ADAMTS20: variants seen among roughly 807,000 people sequenced by gnomAD.
The protein encoded by ADAMTS20 is ADAM metallopeptidase with thrombospondin type 1 motif 20.
ADAMTS20 carries 225 observed loss-of-function variants against 260.1 expected under a neutral mutation model. That is an observed-to-expected ratio of 0.87 (90% CI 0.78 to 0.97). The LOEUF is 0.97. Ranked by LOEUF, ADAMTS20 falls within the 50% of genes least tolerant of loss-of-function variation. The pLI is 0.00. For synonymous variants in ADAMTS20, 802 were observed against 769.5 expected (o/e 1.04, Z -0.70); for missense variants, 2,400 against 2,337.7 (o/e 1.03, Z -0.55).
chr12:43,448,385 T>G (rs1341896454), intron 14 of ADAMTS20, among the ~76,000 whole-genome samples: 1 of 152,070 alleles, frequency 6.6e-6, no homozygotes, highest in Admixed American at 6.5e-5. Flanking sequence ...AAACAAGCAA[T>G]GGAAAAAGGA....
chr12:43,537,432 G>T (rs181761174), intron 2 of ADAMTS20, among the ~76,000 whole-genome samples: 1 of 152,032 alleles, frequency 6.6e-6, no homozygotes, highest in Non-Finnish European at 1.5e-5. Flanking sequence ...GGTGATACAG[G>T]CATACAATGT....
At chr12:43,462,003 G>A (rs1942073367) in intron 11 of ADAMTS20, among the ~76,000 whole-genome samples, 1 of 152,180 alleles carries the variant, frequency 6.6e-6, no homozygotes, top group Non-Finnish European at 1.5e-5. Context: ...ATTAATTTGT[G>A]ATGTGAGCAA....
chr12:43,365,668 A>G (rs1939968200), intron 37 of ADAMTS20, among the ~76,000 whole-genome samples: 1 of 151,972 alleles, frequency 6.6e-6, no homozygotes. Context: ...AAGACATAAA[A>G]TTATTTAAGT....
At chr12:43,397,801 A>G (rs564483710) in intron 29 of ADAMTS20, among the ~76,000 whole-genome samples, 2 of 152,210 alleles carry the variant, frequency 1.3e-5, no homozygotes, top group Non-Finnish European at 2.9e-5. Flanking sequence ...CTAGTTTTCA[A>G]TTAAACATTG....
At position 43,524,649 on chromosome 12, in the gene ADAMTS20, T is replaced by C. The variant is rs561555378; in HGVS notation, c.613+7387A>G. Among the ~76,000 whole-genome samples the C allele has an allele frequency of 7.2e-5, 11 of 152,182 alleles. No individual in the cohort carries two copies. In the South Asian group the frequency reaches 2.1e-3, roughly 29 times the overall value. ...ATGAATGGAAAAAATTTTAAAGAGA[T>C]AGATATCAAAGAAAAATCAATCAGA... On this transcript the variant is annotated intron_variant, in intron 3 of 38. Transcript: ENST00000389420.
At chr12:43,435,127 T>C (rs907799017) in intron 18 of ADAMTS20, among the ~76,000 whole-genome samples, 2 of 152,222 alleles carry the variant, frequency 1.3e-5, no homozygotes, top group African/African-American at 2.4e-5. Context: ...TGTCAAACCA[T>C]AGAATTTACA....
intron 37 of ADAMTS20, among the ~76,000 whole-genome samples, chr12:43,358,860 A>T (rs1831873949): frequency 6.8e-6 from 1 of 147,494 alleles, no homozygotes; most frequent in Admixed American, 6.7e-5. Flanking sequence ...AAAAAAAAGT[A>T]ATTCAACAAG....
chr12:43,358,940 T>C (rs1939809441), intron 37 of ADAMTS20, among the ~76,000 whole-genome samples: 2 of 141,942 alleles, frequency 1.4e-5, no homozygotes, highest in African/African-American at 5.7e-5. Context: ...AATAAGTGAG[T>C]GTGAATAAGT....
chr12:43,487,439 GA>G (rs1942540008), intron 7 of ADAMTS20, among the ~76,000 whole-genome samples: 1 of 147,758 alleles, frequency 6.8e-6, no homozygotes, highest in South Asian at 2.2e-4. Flanking sequence ...GGGAGGGTGG[GA>G]GGGGGGTGAG....
intron 3 of ADAMTS20, among the ~76,000 whole-genome samples, chr12:43,511,157 T>C (rs1942918655): frequency 6.6e-6 from 1 of 152,026 alleles, no homozygotes; most frequent in Non-Finnish European, 1.5e-5. Context: ...TTCAGGTCCT[T>C]CTCACCTCAG....
intron 4 of ADAMTS20, among the ~76,000 whole-genome samples, chr12:43,493,802 A>G (rs749615243): frequency 2.0e-5 from 3 of 152,192 alleles, no homozygotes; most frequent in Non-Finnish European, 4.4e-5. Flanking sequence ...TTCCAACTCC[A>G]AATATGGTTA....
At position 43,551,983 on chromosome 12, in the gene ADAMTS20, T is replaced by C; in HGVS notation, c.-62A>G. 1 of 1,432,382 alleles carries C rather than the reference T, an allele frequency of 7.0e-7. No individual in the cohort carries two copies. The highest frequency in any genetic ancestry group is 9.8e-7 in the Non-Finnish European group (1 of 1,019,720). The allele number at this position is 1,432,382 out of a possible 1,614,324, so 88.7% of individuals were successfully genotyped here. A position where few individuals can be genotyped will look rare whatever the true frequency, so the allele number is the denominator to read the frequency against. On this transcript the variant is annotated 5_prime_UTR_variant, in exon 1 of 39. Transcript: ENST00000389420. This position sits in a 1 kb window ranked among gnomAD's most constrained non-coding sequence, Gnocchi z 4.6. ...CAGAGCCGCCGGCAGCCAAGCCGGC[T>C]TCCCTCGCGCTCCGATCCCTCTCCT...
At chr12:43,362,177 T>C (rs1321255846) in intron 37 of ADAMTS20, among the ~76,000 whole-genome samples, 1 of 152,120 alleles carries the variant, frequency 6.6e-6, no homozygotes, top group East Asian at 1.9e-4. Flanking sequence ...TTTAAGAGAG[T>C]TGAAATGGAT....
At chr12:43,390,484 T>A (rs1245276303) in intron 29 of ADAMTS20, among the ~76,000 whole-genome samples, 1 of 152,226 alleles carries the variant, frequency 6.6e-6, no homozygotes, top group African/African-American at 2.4e-5. Context: ...TCTTTTTAAA[T>A]TTTTCTATTA....
intron 31 of ADAMTS20, among the ~76,000 whole-genome samples, chr12:43,380,464 G>T (rs1592037126): frequency 6.6e-6 from 1 of 151,972 alleles, no homozygotes; most frequent in South Asian, 2.1e-4. Context: ...GGTACAAAAG[G>T]CATCCATCTT....
chr12:43,413,429 T>C (rs1326519362), intron 28 of ADAMTS20, among the ~76,000 whole-genome samples: 1 of 152,184 alleles, frequency 6.6e-6, no homozygotes, highest in Non-Finnish European at 1.5e-5. Context: ...GAAATGGTTC[T>C]ACTGTGAGCA....
chr12:43,468,384 G>T (rs1942192598), intron 8 of ADAMTS20, among the ~76,000 whole-genome samples: 1 of 152,150 alleles, frequency 6.6e-6, no homozygotes, highest in South Asian at 2.1e-4. Context: ...GAACTCCCAA[G>T]TTCTAGTTCT....
chr12:43,488,024 GTAATTTCACAGTGAA>G, intron 7 of ADAMTS20, among the ~76,000 whole-genome samples: 1 of 152,136 alleles, frequency 6.6e-6, no homozygotes, highest in African/African-American at 2.4e-5. Flanking sequence ...GATTATGAAT[GTAATTTCACAGTGAA>G]CTTCAAAGCA....
At chr12:43,502,804 A>G (rs534253157) in intron 3 of ADAMTS20, among the ~76,000 whole-genome samples, 1 of 152,288 alleles carries the variant, frequency 6.6e-6, no homozygotes, top group East Asian at 1.9e-4. Flanking sequence ...ATTACAGAGT[A>G]GTACCATTTT....
Sources: gnomAD v4.1 joint callset for allele counts (sites outside exome capture counted in the v4.1 genomes callset) on GRCh38, gnomAD v4.1.1 for gene constraint, Gnocchi (gnomAD v3.1) non-coding constraint, MANE v1.5 for transcripts, NCBI Gene and HGNC (gene_info 2026-07-23, HGNC 2026-07-21) for gene names.